Variants in CACNA2D1 observed in about 807,000 individuals in gnomAD.
CACNA2D1 encodes voltage-dependent calcium channel subunit alpha-2/delta-1.
CACNA2D1 carries 53 observed loss-of-function variants against 171.5 expected under a neutral mutation model. The observed-to-expected ratio is 0.31, with a 90% confidence interval of 0.25 to 0.39. The LOEUF (loss-of-function observed/expected upper bound fraction) is 0.39, where lower values mean the gene tolerates loss of function less well. CACNA2D1 is among the 10% of genes least tolerant of loss of function. The pLI, the probability that CACNA2D1 is intolerant of heterozygous loss-of-function variation, is 1.00. For synonymous variants in CACNA2D1, 442 were observed against 443.1 expected, an observed-to-expected ratio of 1.00 and a Z score of 0.03; for missense variants, 903 against 1,299.8, an observed-to-expected ratio of 0.69 and a Z score of 4.69.
At position 81,991,094 on chromosome 7, in the gene CACNA2D1, A is replaced by AGTGAAAATCACATGAAAATTCACTT. The variant is rs1238446432; in HGVS notation, c.1796+66_1796+90dup. ...ATGTTTTCATGTTGGGAACTTTTCTAGTGAAAATCACATGAAAATTCACTT... is the reference window on the plus strand; with the variant it reads ...ATGTTTTCATGTTGGGAACTTTTCTAGTGAAAATCACATGAAAATTCACTTGTGAAAATCACATGAAAATTCACTT... On this transcript the variant is annotated intron_variant, in intron 21 of 38. Coordinates refer to ENST00000356860, the MANE Select transcript of CACNA2D1 (RefSeq NM_000722.4). 6.8e-6 allele frequency: 5 copies of AGTGAAAATCACATGAAAATTCACTT among 733,240 alleles called. No individual in the cohort carries two copies. In the Admixed American group the frequency reaches 7.3e-5, roughly 11 times the overall value. The allele number at this position is 733,240 out of a possible 1,614,324, so 45.4% of individuals were successfully genotyped here.
At chr7:82,145,218 T>TTA (rs199796202) in intron 4 of CACNA2D1, among the ~76,000 whole-genome samples, 200 of 146,384 alleles carry the variant, frequency 1.4e-3, no homozygotes, top group Middle Eastern at 3.7e-3. Context: ...ACAGTGAATT[T>TTA]TATATATATA....
At chr7:82,149,783 C>G (rs76406690) in intron 4 of CACNA2D1, among the ~76,000 whole-genome samples, 6 of 121,664 alleles carry the variant, frequency 4.9e-5, no homozygotes, top group African/African-American at 1.2e-4. Flanking sequence ...AAAAAAAAAA[C>G]AAACAAACAA....
intron 1 of CACNA2D1, among the ~76,000 whole-genome samples, chr7:82,418,062 A>T (rs2129456557): frequency 6.6e-6 from 1 of 152,294 alleles, no homozygotes; most frequent in Non-Finnish European, 1.5e-5. Context: ...GGTTTAATTA[A>T]CTCACAGTTC....
chr7:82,211,600 A>G (rs909399500), intron 3 of CACNA2D1, among the ~76,000 whole-genome samples: 1 of 151,156 alleles, frequency 6.6e-6, no homozygotes, highest in African/African-American at 2.4e-5. Flanking sequence ...TTCTCTTTCT[A>G]ATCTACTGTT....
intron 10 of CACNA2D1, among the ~76,000 whole-genome samples, chr7:82,040,465 A>AC (rs1554367659): frequency 4.1e-5 from 6 of 146,980 alleles, no homozygotes; most frequent in African/African-American, 1.5e-4. Context: ...AAAAAAAAAA[A>AC]AAAAAACAGA....
chr7:82,422,337 G>A (rs1016890147), intron 1 of CACNA2D1, among the ~76,000 whole-genome samples: 4 of 152,014 alleles, frequency 2.6e-5, no homozygotes, highest in Admixed American at 6.6e-5. Flanking sequence ...TAACCTCCAT[G>A]ATGTTATTTA....
chr7:82,194,984 T>C (rs1265794790), intron 3 of CACNA2D1, among the ~76,000 whole-genome samples: 2 of 152,016 alleles, frequency 1.3e-5, no homozygotes, highest in Admixed American at 6.6e-5. Context: ...CACTTTAAGT[T>C]GCACTCTTTT....
At chr7:82,027,816 C>T (rs558306144) in intron 12 of CACNA2D1, 2 of 151,748 alleles carry the variant, frequency 1.3e-5, no homozygotes, top group South Asian at 4.1e-4. Flanking sequence ...ATATCTGATA[C>T]AGTGAATATA....
intron 3 of CACNA2D1, among the ~76,000 whole-genome samples, chr7:82,173,536 A>G (rs1164031218): frequency 2.0e-5 from 3 of 152,038 alleles, no homozygotes; most frequent in Non-Finnish European, 2.9e-5. Flanking sequence ...ATTTCATGAC[A>G]AAGCATATAA....
intron 3 of CACNA2D1, among the ~76,000 whole-genome samples, chr7:82,317,284 G>T (rs780130367): frequency 1.3e-5 from 2 of 152,138 alleles, no homozygotes; most frequent in Non-Finnish European, 2.9e-5. Flanking sequence ...CAACAAAAAT[G>T]TACACTGCCA....
chr7:82,288,267 G>A (rs1017666147), intron 3 of CACNA2D1, among the ~76,000 whole-genome samples: 1 of 151,920 alleles, frequency 6.6e-6, no homozygotes, highest in African/African-American at 2.4e-5. Context: ...GTTATTATTT[G>A]TGACTCCCTT....
intron 31 of CACNA2D1, among the ~76,000 whole-genome samples, chr7:81,965,986 AATT>A (rs1794670821): frequency 6.6e-6 from 1 of 151,738 alleles, no homozygotes; most frequent in Admixed American, 6.6e-5. Context: ...GGATAGAGAA[AATT>A]ATTTAATAAT....
intron 5 of CACNA2D1, among the ~76,000 whole-genome samples, chr7:82,125,432 A>G (rs1790225818): frequency 6.6e-6 from 1 of 152,230 alleles, no homozygotes; most frequent in South Asian, 2.1e-4. Flanking sequence ...TTAATGACTT[A>G]TTGGGTCAGA....
intron 10 of CACNA2D1, among the ~76,000 whole-genome samples, chr7:82,060,150 G>GTATTATATATATA (rs1174213416): frequency 0.016 from 267 of 16,636 alleles, 11 homozygotes; most frequent in African/African-American, 0.038. Flanking sequence ...TTATATATAT[G>GTATTATATATATA]TATTATATAT....
intron 3 of CACNA2D1, among the ~76,000 whole-genome samples, chr7:82,251,250 C>T (rs1805594761): frequency 6.6e-6 from 1 of 152,110 alleles, no homozygotes; most frequent in South Asian, 2.1e-4. Flanking sequence ...ATGATCAATT[C>T]ACTACCACCT....
chr7:81,962,109 C>A, intron 35 of CACNA2D1, 86 bp from the exon 36 acceptor site: 2 of 1,309,256 alleles, frequency 1.5e-6, no homozygotes, highest in Admixed American at 3.5e-5. Context: ...TCACTTCTCA[C>A]AGAGCAAAAT....
intron 6 of CACNA2D1, among the ~76,000 whole-genome samples, chr7:82,089,507 G>A (rs768726528): frequency 2.0e-5 from 3 of 152,052 alleles, no homozygotes; most frequent in South Asian, 2.1e-4. Context: ...TATTCTGAAC[G>A]GCATAATAGG....
At chr7:82,240,590 T>C (rs1235458650) in intron 3 of CACNA2D1, among the ~76,000 whole-genome samples, 1 of 152,212 alleles carries the variant, frequency 6.6e-6, no homozygotes, top group African/African-American at 2.4e-5. Flanking sequence ...GTATCTTTTA[T>C]ATTGCTTTAT....
At chr7:82,189,898 G>T (rs1798124125) in intron 3 of CACNA2D1, among the ~76,000 whole-genome samples, 1 of 151,870 alleles carries the variant, frequency 6.6e-6, no homozygotes, top group Admixed American at 6.6e-5. Context: ...TAAACTAATT[G>T]TAAAAGTTAT....
Sources: gnomAD v4.1 joint callset for allele counts (sites outside exome capture counted in the v4.1 genomes callset) on GRCh38, gnomAD v4.1.1 for gene constraint, MANE v1.5 for transcripts, NCBI Gene and HGNC (gene_info 2026-07-23, HGNC 2026-07-21) for gene names.